The following PLEKHG4B variants were observed in gnomAD, a reference collection of about 807,000 sequenced individuals.
PLEKHG4B encodes the protein pleckstrin homology and RhoGEF domain containing G4B, also known as pleckstrin homology domain-containing family G member 4B.
Under a neutral mutation model 121.3 loss-of-function variants are expected in PLEKHG4B, and 111 were observed. The observed-to-expected ratio is 0.92, with a 90% CI of 0.78 to 1.07. The LOEUF is 1.07. Ranked by LOEUF, PLEKHG4B falls within the 50% of genes least tolerant of loss-of-function variation. The pLI is 0.00. For synonymous variants in PLEKHG4B, 738 were observed against 725.0 expected (o/e 1.02, Z -0.29); for missense variants, 1,831 against 1,757.8 (o/e 1.04, Z -0.74).
At chr5:152,774 G>C (rs760654930) in intron 7 of PLEKHG4B, among the ~76,000 whole-genome samples, 36 of 152,096 alleles carry the variant, frequency 2.4e-4, no homozygotes, top group Non-Finnish European at 4.4e-4. Context: ...TAATCCCCAC[G>C]TGTGGAGGGA....
chr5:142,921 T>G, intron 3 of PLEKHG4B, 126 bp from the exon 4 acceptor site: 1 of 925,590 alleles, frequency 1.1e-6, no homozygotes, highest in African/African-American at 1.6e-5. Flanking sequence ...CTGGGACAAG[T>G]TTTCTCGGAA....
chr5:124,030 C>T (rs1278680856), intron 2 of PLEKHG4B, among the ~76,000 whole-genome samples: 3 of 152,084 alleles, frequency 2.0e-5, no homozygotes, highest in African/African-American at 7.2e-5. Flanking sequence ...TTGCTGCCTC[C>T]CGTAAGTTGT....
intron 6 of PLEKHG4B, among the ~76,000 whole-genome samples, chr5:149,011 A>G (rs929205153): frequency 6.6e-6 from 1 of 152,226 alleles, no homozygotes; most frequent in African/African-American, 2.4e-5. Flanking sequence ...AAAACTAGAT[A>G]TTCACATGCA....
intron 11 of PLEKHG4B, among the ~76,000 whole-genome samples, 196 bp from the exon 12 acceptor site, chr5:161,587 A>ATC (rs1223886559): frequency 8.9e-6 from 1 of 112,240 alleles, no homozygotes; most frequent in East Asian, 2.8e-4. Context: ...GTGTAGATCA[A>ATC]ATCATAGTTT....
intron 1 of PLEKHG4B, among the ~76,000 whole-genome samples, chr5:99,170 G>GTATATATATA (rs534174768): frequency 1.4e-3 from 139 of 100,472 alleles, no homozygotes; most frequent in African/African-American, 2.9e-3. Flanking sequence ...AAAAAAAAGT[G>GTATATATATA]TATATATATA....
At chr5:109,884 A>C (rs1734085573) in intron 1 of PLEKHG4B, among the ~76,000 whole-genome samples, 1 of 152,214 alleles carries the variant, frequency 6.6e-6, no homozygotes, top group Non-Finnish European at 1.5e-5. Flanking sequence ...ACGTGCACAC[A>C]CTGGTTGCTC....
rs1579299128 is a variant in PLEKHG4B at position 156,291 on chromosome 5, C to G, written c.2348+81C>G. On this transcript the variant is annotated intron_variant, in intron 10 of 19. Transcript: ENST00000637938. The surrounding 1 kb of genome is among the most constrained non-coding windows in gnomAD (Gnocchi z 4.4). ...GGAGTTTGCACCAGGAGGCGTAGCGCTCTGCTCCAAGGAGAGCCCCCTCTG... is the reference window on the plus strand; with the variant it reads ...GGAGTTTGCACCAGGAGGCGTAGCGGTCTGCTCCAAGGAGAGCCCCCTCTG... The G allele has an allele frequency of 4.6e-6, 6 of 1,298,580 alleles. No homozygotes were observed. In the East Asian group the frequency reaches 1.4e-4, roughly 30 times the overall value. The allele number at this position is 1,298,580 out of a possible 1,614,324, so 80.4% of individuals were successfully genotyped here. A position where few individuals can be genotyped will look rare whatever the true frequency, so the allele number is the denominator to read the frequency against.
chr5:142,917 C>T (rs977384111), intron 3 of PLEKHG4B, 130 bp from the exon 4 acceptor site: 1 of 878,868 alleles, frequency 1.1e-6, no homozygotes, highest in South Asian at 1.6e-5. Flanking sequence ...TGAACTGGGA[C>T]AAGTTTTCTC....
chr5:150,292 C>T (rs541791529), intron 6 of PLEKHG4B, among the ~76,000 whole-genome samples: 2 of 152,316 alleles, frequency 1.3e-5, no homozygotes, highest in East Asian at 1.9e-4. Flanking sequence ...TATGAGTACT[C>T]AGAGTAGCCC....
At chr5:106,984 C>T (rs372525052) in intron 1 of PLEKHG4B, among the ~76,000 whole-genome samples, 9 of 152,208 alleles carry the variant, frequency 5.9e-5, no homozygotes, top group African/African-American at 1.7e-4. Flanking sequence ...AGTTCTTATC[C>T]GATTCTTTTC....
intron 6 of PLEKHG4B, among the ~76,000 whole-genome samples, chr5:147,585 G>A (rs537921592): frequency 1.1e-4 from 17 of 152,322 alleles, no homozygotes; most frequent in South Asian, 8.3e-4. Context: ...TTCACAGTGC[G>A]TTGCTCTAAA....
Position 162,779 on chromosome 5 carries a change from G to A in PLEKHG4B, c.2707G>A (p.Glu903Lys), listed in dbSNP as rs1329729860. The A allele has an allele frequency of 7.4e-6, 11 of 1,483,856 alleles. No homozygotes were observed. The highest frequency in any genetic ancestry group is 9.8e-6 in the Non-Finnish European group (11 of 1,119,056). 91.9% of individuals were successfully genotyped at this position (1,483,856 alleles called of 1,614,324 possible). A position where few individuals can be genotyped will look rare whatever the true frequency, so the allele number is the denominator to read the frequency against. The change falls in exon 13 of 20, where the codon GAG becomes AAG. Residue 903 changes from glutamate to lysine, a missense_variant. Transcript: ENST00000637938. Reference protein sequence around the residue: ...PEACPSSPVAECLRSCHQEAT... With the variant: ...PEACPSSPVAKCLRSCHQEAT... ...GGCTTGTCCCTCCTCACCCGTGGCT[G>A]AGTGTTTGAGGAGCTGTCACCAGGA...
intron 7 of PLEKHG4B, among the ~76,000 whole-genome samples, chr5:154,326 C>CT (rs892505381): frequency 3.3e-5 from 5 of 151,900 alleles, no homozygotes; most frequent in African/African-American, 7.3e-5. Flanking sequence ...TTTTCTTTTT[C>CT]TTTTTTTTAC....
chr5:146,361 C>A (rs1735414336), intron 6 of PLEKHG4B, among the ~76,000 whole-genome samples: 1 of 144,122 alleles, frequency 6.9e-6, no homozygotes. Context: ...CTCCTCTCCA[C>A]CCCCACAGTG....
intron 1 of PLEKHG4B, among the ~76,000 whole-genome samples, chr5:105,442 T>G (rs1264476271): frequency 6.6e-6 from 1 of 152,224 alleles, no homozygotes; most frequent in Non-Finnish European, 1.5e-5. Context: ...ACGTGGAATC[T>G]GCTGTCAGAT....
At chr5:106,267 G>A (rs1733971076) in intron 1 of PLEKHG4B, among the ~76,000 whole-genome samples, 1 of 152,162 alleles carries the variant, frequency 6.6e-6, no homozygotes, top group Admixed American at 6.5e-5. Flanking sequence ...TCAGTTCCTT[G>A]AGGAAAGCAC....
chr5:99,203 TATATATATA>T (rs1579230170), intron 1 of PLEKHG4B, among the ~76,000 whole-genome samples: 5 of 136,226 alleles, frequency 3.7e-5, no homozygotes, highest in African/African-American at 1.1e-4. Flanking sequence ...TATATATATA[TATATATATA>T]TTTTGCGATT....
intron 2 of PLEKHG4B, among the ~76,000 whole-genome samples, chr5:131,307 G>A (rs1308535418): frequency 7.2e-5 from 11 of 152,132 alleles, no homozygotes; most frequent in Non-Finnish European, 1.3e-4. Flanking sequence ...TCTCCGCCCT[G>A]TGTCCAAGTG....
intron 1 of PLEKHG4B, among the ~76,000 whole-genome samples, chr5:93,541 T>C (rs763470997): frequency 6.6e-6 from 1 of 151,916 alleles, no homozygotes; most frequent in Non-Finnish European, 1.5e-5. Context: ...TTTATTTCAC[T>C]GTGCGGCATC....
Sources: allele counts gnomAD v4.1 joint callset (sites outside exome capture counted in the v4.1 genomes callset), GRCh38; gene constraint gnomAD v4.1.1; non-coding constraint Gnocchi (gnomAD v3.1); transcripts MANE v1.5; gene names NCBI Gene and HGNC (gene_info 2026-07-23, HGNC 2026-07-21).